The following USH2A variants were observed in gnomAD, a reference collection of about 807,000 sequenced individuals.
USH2A encodes usherin, also known as Usher syndrome 2A (autosomal recessive, mild).
A neutral mutation model predicts 538.9 loss-of-function variants in USH2A; 443 were observed. The ratio of observed to expected loss-of-function variants is 0.82; its 90% CI spans 0.76 to 0.89. The LOEUF is 0.89. USH2A is among the 40% of genes least tolerant of loss of function. The pLI is 0.00. For synonymous variants in USH2A, 2,413 were observed against 2,273.5 expected, an observed-to-expected ratio of 1.06 and a Z score of -1.75; for missense variants, 6,633 against 6,324.8, an observed-to-expected ratio of 1.05 and a Z score of -1.65.
intron 61 of USH2A, among the ~76,000 whole-genome samples, chr1:215,704,650 C>G (rs1268158322): frequency 6.6e-6 from 1 of 152,182 alleles, no homozygotes; most frequent in Non-Finnish European, 1.5e-5. Flanking sequence ...CACACCCTGT[C>G]CCTAGACTCA....
chr1:215,831,956 A>C (rs541229208), intron 47 of USH2A, among the ~76,000 whole-genome samples: 1 of 152,152 alleles, frequency 6.6e-6, no homozygotes, highest in South Asian at 2.1e-4. Flanking sequence ...CAATATCAGA[A>C]ATGAAAGAAT....
chr1:215,752,046 G>C (rs573670196), intron 58 of USH2A, among the ~76,000 whole-genome samples: 1 of 152,064 alleles, frequency 6.6e-6, no homozygotes, highest in Non-Finnish European at 1.5e-5. Flanking sequence ...TATGTGCTCT[G>C]TTTGTCATTA....
intron 61 of USH2A, among the ~76,000 whole-genome samples, chr1:215,714,701 C>T (rs1165050062): frequency 2.0e-5 from 3 of 152,244 alleles, no homozygotes; most frequent in South Asian, 2.1e-4. Context: ...TTTCTACAAA[C>T]GTTTATCTGG....
intron 50 of USH2A, among the ~76,000 whole-genome samples, chr1:215,796,855 C>T (rs1287864066): frequency 8.9e-5 from 4 of 44,784 alleles, no homozygotes; most frequent in Admixed American, 2.8e-4. Flanking sequence ...AATCAAAATG[C>T]TCCTCTTCCT....
intron 50 of USH2A, among the ~76,000 whole-genome samples, chr1:215,790,754 A>G (rs1661959724): frequency 6.6e-6 from 1 of 152,216 alleles, no homozygotes; most frequent in African/African-American, 2.4e-5. Context: ...GCCCTGCGGG[A>G]GAAGCAGTGC....
At position 216,084,950 on chromosome 1, in the gene USH2A, A is replaced by T. The variant is rs2032080938; in HGVS notation, c.4988-73T>A. On this transcript the variant is annotated intron_variant, in intron 24 of 71. Coordinates refer to ENST00000307340, the MANE Select transcript of USH2A (RefSeq NM_206933.4). ...TTTCAAGCAATTAATTTTATGTGCC[A>T]TTAAAGTCAAAGAAATAGGCACTAG... 4 of 1,501,200 alleles carry T rather than the reference A, an allele frequency of 2.7e-6. No individual in the cohort carries two copies. In the South Asian group the frequency reaches 4.6e-5, roughly 17 times the overall value. The allele number at this position is 1,501,200 out of a possible 1,614,324, so 93.0% of individuals were successfully genotyped here.
rs760262356 is a variant in USH2A at position 215,965,320 on chromosome 1, G to A, written c.7117C>T (p.Pro2373Ser). Residue 2373 changes from proline (P) to serine (S), a missense_variant, in exon 37 of 72, where the codon CCA (proline) becomes TCA (serine). Physicochemically the swap from Pro to Ser is moderately conservative, Grantham distance 74. Coordinates refer to ENST00000307340, the MANE Select transcript of USH2A (RefSeq NM_206933.4). ...VLFTGIFYVD[P>S]VGNNYTLLNV... The stretch of plus-strand genomic sequence containing the variant: ...TTAGAAAATAAAAACAAATTACCTG[G>A]GTCTACATAGAATATCCCAGTGAAA... The A allele has an allele frequency of 1.2e-6, 2 of 1,613,118 alleles. No individual in the cohort carries two copies. Among genetic ancestry groups the A allele is most frequent in the Admixed American group, 1.7e-5 (1 of 59,906 alleles).
In USH2A at chr1:215,728,051, G is replaced by A. The variant is rs755924483; in HGVS notation, c.12045C>T (p.Thr4015=). ...RPDDPTFNSP[T]VHAFTVKGTS... The stretch of plus-strand genomic sequence containing the variant: ...TTACCTTCACTGTGAAAGCATGCAC[G>A]GTAGGGCTGTTAAATGTAGGATCGT... Residue 4015 remains threonine (T), a synonymous_variant, in exon 61 of 72, where the codon ACC becomes ACT. Coordinates refer to ENST00000307340, the MANE Select transcript of USH2A (RefSeq NM_206933.4). The A allele has an allele frequency of 3.0e-5, 49 of 1,613,960 alleles. No individual in the cohort carries two copies. In the Middle Eastern group the frequency reaches 4.9e-4, roughly 16 times the overall value.
intron 55 of USH2A, among the ~76,000 whole-genome samples, chr1:215,773,443 T>C (rs1197476856): frequency 6.6e-6 from 1 of 151,970 alleles, no homozygotes; most frequent in Non-Finnish European, 1.5e-5. Context: ...CTGTAAAATC[T>C]GCTTTGGTCC....
chr1:215,838,184 C>T, intron 46 of USH2A, 81 bp from the exon 47 acceptor site: 1 of 1,096,284 alleles, frequency 9.1e-7, no homozygotes, highest in Non-Finnish European at 1.4e-6. Context: ...CACCTTCCCT[C>T]ATTTCACATG....
At chr1:215,861,553 A>C (rs1391237684) in intron 44 of USH2A, among the ~76,000 whole-genome samples, 1 of 152,232 alleles carries the variant, frequency 6.6e-6, no homozygotes, top group Non-Finnish European at 1.5e-5. Flanking sequence ...GGTGTTGTAC[A>C]CGACTGCATA....
At chr1:215,781,943 A>G (rs1661655138) in intron 54 of USH2A, 99 bp downstream of exon 54, 2 of 1,515,572 alleles carry the variant, frequency 1.3e-6, no homozygotes, top group Admixed American at 1.7e-5. Flanking sequence ...TTGAGGAGGG[A>G]CATTGTTTTC....
chr1:216,171,441 C>T (rs2034274201), intron 21 of USH2A, among the ~76,000 whole-genome samples: 1 of 151,988 alleles, frequency 6.6e-6, no homozygotes, highest in Non-Finnish European at 1.5e-5. Context: ...TGGAATATTG[C>T]ATATTACTCA....
intron 61 of USH2A, among the ~76,000 whole-genome samples, chr1:215,715,961 C>T (rs1010703812): frequency 3.3e-5 from 5 of 152,176 alleles, no homozygotes; most frequent in Non-Finnish European, 7.3e-5. Flanking sequence ...GGTCTTCCTC[C>T]ATCTCCTACG....
At chr1:215,794,081 G>T (rs1015984574) in intron 50 of USH2A, among the ~76,000 whole-genome samples, 4 of 152,142 alleles carry the variant, frequency 2.6e-5, no homozygotes, top group Non-Finnish European at 4.4e-5. Context: ...TGACACGCAT[G>T]ACTTTCATCC....
At chr1:215,644,069 A>G (rs1656773791) in intron 67 of USH2A, among the ~76,000 whole-genome samples, 1 of 152,242 alleles carries the variant, frequency 6.6e-6, no homozygotes, top group South Asian at 2.1e-4. Context: ...AAGAATCATT[A>G]CAGTTTGCTT....
chr1:215,900,038 A>G (rs748348892), intron 40 of USH2A, 37 bp downstream of exon 40: 3 of 1,613,200 alleles, frequency 1.9e-6, no homozygotes, highest in South Asian at 2.2e-5. Flanking sequence ...CTCCCTATGT[A>G]GAAGACATTT....
chr1:216,045,538 G>T (rs185862999), intron 32 of USH2A, among the ~76,000 whole-genome samples: 1 of 152,126 alleles, frequency 6.6e-6, no homozygotes, highest in African/African-American at 2.4e-5. Flanking sequence ...AGTAATTACT[G>T]TCAATGGCAA....
chr1:216,393,799 C>T (rs1018132558), intron 3 of USH2A, among the ~76,000 whole-genome samples: 1 of 152,082 alleles, frequency 6.6e-6, no homozygotes, highest in African/African-American at 2.4e-5. Flanking sequence ...GGAGGGGAGC[C>T]AGACCTGAAG....
Sources: gnomAD v4.1 joint callset for allele counts (sites outside exome capture counted in the v4.1 genomes callset) on GRCh38, gnomAD v4.1.1 for gene constraint, MANE v1.5 for transcripts, NCBI Gene and HGNC (gene_info 2026-07-23, HGNC 2026-07-21) for gene names.